The following LRMDA variants were observed in gnomAD, a reference collection of about 807,000 sequenced individuals.
LRMDA encodes the protein leucine rich melanocyte differentiation associated.
Under a neutral mutation model 29.8 loss-of-function variants are expected in LRMDA, and 18 were observed. The ratio of observed to expected loss-of-function variants is 0.60; its 90% CI spans 0.42 to 0.90. LRMDA has a LOEUF of 0.90. Among genes scored for constraint, LRMDA ranks in the 40% least tolerant of loss-of-function variants. The pLI is 0.00. For synonymous variants in LRMDA, 125 were observed against 109.4 expected (o/e 1.14, Z -0.89); for missense variants, 273 against 273.9 (o/e 1.00, Z 0.02).
chr10:75,842,993 C>A (rs541333741), intron 2 of LRMDA, among the ~76,000 whole-genome samples: 2 of 152,234 alleles, frequency 1.3e-5, no homozygotes, highest in Admixed American at 1.3e-4. Context: ...TACCCTCTAC[C>A]CTGGGTAACA....
chr10:75,847,884 T>A (rs1844667824), intron 2 of LRMDA, among the ~76,000 whole-genome samples: 2 of 152,200 alleles, frequency 1.3e-5, no homozygotes, highest in African/African-American at 4.8e-5. Context: ...CCCATTTGGA[T>A]GGCCAGTATC....
intron 5 of LRMDA, among the ~76,000 whole-genome samples, chr10:76,312,110 T>C (rs1008319365): frequency 6.6e-6 from 1 of 152,208 alleles, no homozygotes; most frequent in Non-Finnish European, 1.5e-5. Context: ...TAAAAATTTA[T>C]GGCTGAGCAC....
intron 2 of LRMDA, among the ~76,000 whole-genome samples, chr10:75,547,313 G>A (rs1840091581): frequency 6.6e-6 from 1 of 152,210 alleles, no homozygotes; most frequent in Admixed American, 6.5e-5. Context: ...AGGAGGAGAA[G>A]ACCAGGCCTA....
intron 6 of LRMDA, among the ~76,000 whole-genome samples, chr10:76,334,517 G>T (rs894275747): frequency 2.0e-5 from 3 of 152,310 alleles, no homozygotes; most frequent in Middle Eastern, 6.8e-3. Flanking sequence ...GACTGAAATT[G>T]AGGGAAGTGA....
chr10:75,681,891 C>T (rs1048573416), intron 2 of LRMDA, among the ~76,000 whole-genome samples: 4 of 152,090 alleles, frequency 2.6e-5, no homozygotes, highest in African/African-American at 7.2e-5. Context: ...CGGGAGAAAG[C>T]GCTTTTGAAT....
intron 2 of LRMDA, among the ~76,000 whole-genome samples, chr10:75,573,282 G>A (rs1840460048): frequency 6.6e-6 from 1 of 151,898 alleles, no homozygotes; most frequent in Admixed American, 6.6e-5. Context: ...AAAATACTTA[G>A]GTCTAAATGA....
chr10:76,538,041 T>C (rs1843309293), intron 6 of LRMDA, among the ~76,000 whole-genome samples: 1 of 152,236 alleles, frequency 6.6e-6, no homozygotes, highest in African/African-American at 2.4e-5. Context: ...GTAGTTGAAG[T>C]ACTGTGTTCC....
chr10:76,222,139 A>C (rs1454229583), intron 5 of LRMDA, among the ~76,000 whole-genome samples: 1 of 152,008 alleles, frequency 6.6e-6, no homozygotes, highest in East Asian at 1.9e-4. Flanking sequence ...TAAAGACTTA[A>C]ACATTAGACC....
At chr10:75,653,348 C>T (rs550915731) in intron 2 of LRMDA, among the ~76,000 whole-genome samples, 68 of 152,176 alleles carry the variant, frequency 4.5e-4, no homozygotes, top group Non-Finnish European at 7.9e-4. Context: ...ATTGTCACTT[C>T]GAGGTGATGG....
intron 2 of LRMDA, among the ~76,000 whole-genome samples, chr10:75,522,877 A>G (rs1845376397): frequency 6.6e-6 from 1 of 152,214 alleles, no homozygotes; most frequent in South Asian, 2.1e-4. Flanking sequence ...TGTCATTGGT[A>G]GAGGATGCTA....
chr10:75,675,130 A>G (rs1378673762), intron 2 of LRMDA, among the ~76,000 whole-genome samples: 1 of 152,176 alleles, frequency 6.6e-6, no homozygotes, highest in Non-Finnish European at 1.5e-5. Flanking sequence ...TAAAATTCAG[A>G]GGGAGTTATA....
chr10:75,875,716 G>A (rs1010228420), intron 2 of LRMDA, among the ~76,000 whole-genome samples: 1 of 152,246 alleles, frequency 6.6e-6, no homozygotes, highest in Non-Finnish European at 1.5e-5. Context: ...ACAGGCGTGA[G>A]CCACGGTGCC....
chr10:76,526,937 T>A (rs1843181171), intron 6 of LRMDA, among the ~76,000 whole-genome samples: 1 of 147,626 alleles, frequency 6.8e-6, no homozygotes, highest in Non-Finnish European at 1.5e-5. Flanking sequence ...ATATGTAACC[T>A]GCACAATGTG....
intron 2 of LRMDA, among the ~76,000 whole-genome samples, chr10:75,730,492 C>T (rs1276783218): frequency 6.6e-6 from 1 of 152,164 alleles, no homozygotes; most frequent in African/African-American, 2.4e-5. Flanking sequence ...GATTTCCCAG[C>T]TTACTGATGA....
intron 6 of LRMDA, among the ~76,000 whole-genome samples, chr10:76,378,803 A>G (rs1188474105): frequency 2.0e-5 from 3 of 148,470 alleles, no homozygotes; most frequent in Non-Finnish European, 4.5e-5. Flanking sequence ...TTTTGCATCT[A>G]TGTACATCAG....
At chr10:76,163,087 C>CA (rs1354665006) in intron 5 of LRMDA, among the ~76,000 whole-genome samples, 1 of 152,146 alleles carries the variant, frequency 6.6e-6, no homozygotes, top group African/African-American at 2.4e-5. Flanking sequence ...CTTCTTGTGA[C>CA]AATAGTGACA....
At chr10:76,046,625 C>T (rs1157362287) in intron 3 of LRMDA, among the ~76,000 whole-genome samples, 1 of 152,164 alleles carries the variant, frequency 6.6e-6, no homozygotes, top group Non-Finnish European at 1.5e-5. Flanking sequence ...GCTGGGATTA[C>T]AGGCTCCTGC....
At chr10:75,821,906 C>T (rs1266993627) in intron 2 of LRMDA, among the ~76,000 whole-genome samples, 1 of 152,112 alleles carries the variant, frequency 6.6e-6, no homozygotes, top group Non-Finnish European at 1.5e-5. Context: ...AAGTTGAAAG[C>T]ATTCCTTCTA....
At chr10:75,654,910 G>A (rs1188172549) in intron 2 of LRMDA, among the ~76,000 whole-genome samples, 2 of 152,276 alleles carry the variant, frequency 1.3e-5, no homozygotes, top group East Asian at 1.9e-4. Flanking sequence ...TTTTGGAAGC[G>A]AAACAGAAAA....
Sources: gnomAD v4.1 joint callset for allele counts (sites outside exome capture counted in the v4.1 genomes callset) on GRCh38, gnomAD v4.1.1 for gene constraint, MANE v1.5 for transcripts, NCBI Gene and HGNC (gene_info 2026-07-23, HGNC 2026-07-21) for gene names.